Variants in TTLL2 observed in about 807,000 individuals in gnomAD.
TTLL2 encodes the protein tubulin tyrosine ligase like 2.
A neutral mutation model predicts 7.5 loss-of-function variants in TTLL2; 10 were observed. That is an observed-to-expected ratio of 1.33 (90% CI 0.82 to 2.25). The LOEUF (loss-of-function observed/expected upper bound fraction) is 2.25. Ranked by LOEUF, TTLL2 falls within the 30% of genes most tolerant of loss-of-function variation. The pLI is 0.00. For missense variants in TTLL2, 733 were observed against 735.7 expected (o/e 1.00, Z 0.04); for synonymous variants, 284 against 280.3 (o/e 1.01, Z -0.13).
intron 1 of TTLL2, among the ~76,000 whole-genome samples, chr6:167,326,965 C>G (rs528492165): frequency 6.6e-6 from 1 of 151,992 alleles, no homozygotes; most frequent in East Asian, 1.9e-4. Context: ...AAGGCTGTGG[C>G]TTATGCTTTT....
At chr6:167,327,942 T>C in intron 1 of TTLL2, 1 of 454,494 alleles carries the variant, frequency 2.2e-6, no homozygotes. Context: ...CAGCATCTGG[T>C]ATCAAGGTCA....
rs1318165270 is a variant in TTLL2, at chr6:167,340,808, A to G, written c.908A>G (p.Asn303Ser). 8.1e-6 allele frequency: 13 copies of G among 1,614,060 alleles called. No individual in the cohort carries two copies. Among genetic ancestry groups the G allele is most frequent in the African/African-American group, 1.3e-5 (1 of 74,890 alleles). The change falls in exon 3 of 3, where the codon AAT becomes AGT. Residue 303 changes from asparagine (N) to serine (S), a missense_variant. Physicochemically the swap from Asn to Ser is conservative, Grantham distance 46 (BLOSUM62 1). Transcript: ENST00000239587. ...GCCCATTTGACCAACAGCAGCATCAATAAATCCGGGGCCTCTTATGAGAAG... is the reference window on the plus strand; with the variant it reads ...GCCCATTTGACCAACAGCAGCATCAGTAAATCCGGGGCCTCTTATGAGAAG... ...NYAHLTNSSINKSGASYEKIK... is the reference protein window; with the variant it reads ...NYAHLTNSSISKSGASYEKIK...
At position 167,340,706 on chromosome 6, in the gene TTLL2, C is replaced by T. The variant is rs374231286; in HGVS notation, c.806C>T (p.Thr269Ile). The T allele has an allele frequency of 8.4e-5, 135 of 1,614,048 alleles. 1 individual carries two copies. In the Admixed American group the frequency reaches 2.2e-3, roughly 27 times the overall value. ...YVCVTGFKPL[T>I]IYVYQEGLVR... Reference sequence around the variant, plus strand: ...TGTGTTACTGGCTTTAAGCCTTTGACCATTTATGTTTATCAGGAAGGGTTG... The same window carrying T: ...TGTGTTACTGGCTTTAAGCCTTTGATCATTTATGTTTATCAGGAAGGGTTG... The change falls in exon 3 of 3, where the codon ACC becomes ATC. Residue 269 changes from threonine to isoleucine, a missense_variant. By Grantham distance (89) the Thr-to-Ile change is moderately conservative. Transcript: ENST00000239587.
chr6:167,340,821 C>G lies in TTLL2; in HGVS notation c.921C>G (p.Ala307=), dbSNP rs879016110. 2 of 1,614,124 alleles carry G rather than the reference C, an allele frequency of 1.2e-6. No individual in the cohort carries two copies. Among genetic ancestry groups the G allele is most frequent in the South Asian group, 2.2e-5 (2 of 91,080 alleles). ...LTNSSINKSG[A]SYEKIKEVIG... is the part of the protein sequence containing the mutation. The stretch of plus-strand genomic sequence containing the variant: ...ACAGCAGCATCAATAAATCCGGGGC[C>G]TCTTATGAGAAGATCAAAGAAGTGA... The change falls in exon 3 of 3, where the codon GCC becomes GCG. Residue 307 remains alanine (A), a synonymous_variant. Coordinates refer to ENST00000239587, the MANE Select transcript of TTLL2 (RefSeq NM_031949.5).
chr6:167,335,659 A>C (rs1258752058), intron 1 of TTLL2, among the ~76,000 whole-genome samples: 2 of 151,814 alleles, frequency 1.3e-5, no homozygotes, highest in Non-Finnish European at 2.9e-5. Flanking sequence ...TGATGAGTTC[A>C]TGTCCTTTGT....
chr6:167,340,744 A>C lies in TTLL2; in HGVS notation c.844A>C (p.Thr282Pro). ...VYQEGLVRFA[T>P]EKFDLSNLQN... ...TCAGGAAGGGTTGGTTCGGTTTGCC[A>C]CGGAAAAGTTTGACCTCAGTAATTT... is the stretch of plus-strand genomic sequence containing the variant. Residue 282 changes from threonine to proline, a missense_variant, in exon 3 of 3, where the codon ACG becomes CCG. Coordinates refer to ENST00000239587, the MANE Select transcript of TTLL2 (RefSeq NM_031949.5). 1 of 1,614,196 alleles carries C rather than the reference A, an allele frequency of 6.2e-7. No individual in the cohort carries two copies. The highest frequency in any genetic ancestry group is 8.5e-7 in the Non-Finnish European group (1 of 1,180,040).
At chr6:167,336,162 C>CAGTGTGGG (rs1216417967) in intron 1 of TTLL2, among the ~76,000 whole-genome samples, 4 of 151,786 alleles carry the variant, frequency 2.6e-5, no homozygotes, top group African/African-American at 9.7e-5. Context: ...TACAGATGTC[C>CAGTGTGGG]AGTGTGGGGG....
intron 1 of TTLL2, among the ~76,000 whole-genome samples, chr6:167,327,521 T>C (rs1436731675): frequency 6.6e-6 from 1 of 152,226 alleles, no homozygotes; most frequent in East Asian, 1.9e-4. Context: ...TGAGATTTAT[T>C]TTCCTTTTAC....
chr6:167,327,876 C>T, intron 1 of TTLL2: 2 of 396,712 alleles, frequency 5.0e-6, no homozygotes, highest in South Asian at 3.8e-5. Flanking sequence ...AGCAGCATTG[C>T]CTATTCATTG....
chr6:167,341,372 A>G lies in TTLL2; in HGVS notation c.1472A>G (p.Glu491Gly), dbSNP rs1353822957. Residue 491 changes from glutamate (E) to glycine (G), a missense_variant, in exon 3 of 3, where the codon GAG (glutamate) becomes GGG (glycine). By Grantham distance (98) the Glu-to-Gly change is moderately conservative (BLOSUM62 -2). Transcript: ENST00000239587. ...EAAPASQLEGEMSGQDFHLST... is the reference protein window; with the variant it reads ...EAAPASQLEGGMSGQDFHLST... ...GCACCTGCCTCCCAGCTGGAAGGAG[A>G]GATGAGTGGGCAGGATTTTCATCTG... is the stretch of plus-strand genomic sequence containing the variant. 4 of 1,613,182 alleles carry G rather than the reference A, an allele frequency of 2.5e-6. No homozygotes were observed. Among genetic ancestry groups the G allele is most frequent in the Admixed American group, 1.7e-5 (1 of 59,884 alleles).
At chr6:167,332,407 A>G (rs1431275173) in intron 1 of TTLL2, among the ~76,000 whole-genome samples, 1 of 152,164 alleles carries the variant, frequency 6.6e-6, no homozygotes, top group African/African-American at 2.4e-5. Context: ...GACCCAACTT[A>G]TAAGGAGGCA....
Position 167,341,271 on chromosome 6 carries a change from T to A in TTLL2, c.1371T>A (p.Ser457=). The A allele has an allele frequency of 6.2e-7, 1 of 1,613,594 alleles. No homozygotes were observed. Among genetic ancestry groups the A allele is most frequent in the South Asian group, 1.1e-5 (1 of 91,040 alleles). Residue 457 remains serine, a synonymous_variant, in exon 3 of 3, where the codon TCT becomes TCA. Coordinates refer to ENST00000239587, the MANE Select transcript of TTLL2 (RefSeq NM_031949.5). ...LDAPDCLPYD[S]LSFTSRMYNE... is the part of the protein sequence containing the mutation. ...CTCCTGACTGTCTTCCTTATGATTC[T>A]CTTTCGTTCACAAGCAGAATGTACA...
rs376267523 is a variant in TTLL2, at chr6:167,330,944, G to A, written c.47+5724G>A. On this transcript the variant is annotated intron_variant, in intron 1 of 2. Coordinates refer to ENST00000239587, the MANE Select transcript of TTLL2 (RefSeq NM_031949.5). Reference sequence around the variant, plus strand: ...CATGAGCTCGATAGCGCCTGACTGGGCAAGCCTGCAGCTCAGCTCCTTGTC... The same window carrying A: ...CATGAGCTCGATAGCGCCTGACTGGACAAGCCTGCAGCTCAGCTCCTTGTC... 2.6e-5 allele frequency among the ~76,000 whole-genome samples: 4 copies of A among 152,282 alleles called. No individual in the cohort carries two copies. The East Asian group carries it at 7.7e-4, about 29-fold the overall frequency.
intron 1 of TTLL2, among the ~76,000 whole-genome samples, chr6:167,336,532 C>T (rs537345308): frequency 6.6e-6 from 1 of 152,002 alleles, no homozygotes. Flanking sequence ...CATTGCTCAT[C>T]CCCATCCTCC....
chr6:167,330,394 C>T (rs549146368), intron 1 of TTLL2, among the ~76,000 whole-genome samples: 1 of 152,184 alleles, frequency 6.6e-6, no homozygotes, highest in Admixed American at 6.5e-5. Flanking sequence ...CCCGTCTCTA[C>T]TAAAAATACA....
chr6:167,326,872 C>A (rs1463985869), intron 1 of TTLL2, among the ~76,000 whole-genome samples: 2 of 152,118 alleles, frequency 1.3e-5, no homozygotes, highest in Non-Finnish European at 2.9e-5. Flanking sequence ...AAGAAAATGA[C>A]CACCGCAAGT....
chr6:167,339,937 C>A (rs912693472), intron 2 of TTLL2, among the ~76,000 whole-genome samples, 168 bp from the exon 3 acceptor site: 12 of 152,058 alleles, frequency 7.9e-5, no homozygotes, highest in Non-Finnish European at 1.5e-4. Context: ...ATAAAGGGAG[C>A]AGAGATGGGT....
In TTLL2 at chr6:167,341,312, T is replaced by C. The variant is rs781345148; in HGVS notation, c.1412T>C (p.Val471Ala). ...TSRMYNEDDS[V>A]VEKAVSVRPE... ...AGAATGTACAACGAGGATGACTCTG[T>C]GGTGGAGAAAGCTGTGAGTGTGCGT... Residue 471 changes from valine to alanine, a missense_variant, in exon 3 of 3, where the codon GTG becomes GCG. Coordinates refer to ENST00000239587, the MANE Select transcript of TTLL2 (RefSeq NM_031949.5). 6.2e-7 allele frequency: 1 copy of C among 1,613,544 alleles called. No individual in the cohort carries two copies. The highest frequency in any genetic ancestry group is 1.3e-5 in the African/African-American group (1 of 74,792).
chr6:167,340,089 A>T lies in TTLL2; in HGVS notation c.205-16A>T. ...CTTGACCACTCTCCTAACCTTTCTC[A>T]ATGATCCATTTTTAGAAAAAACCTC... is the stretch of plus-strand genomic sequence containing the variant. On this transcript the variant is annotated splice_polypyrimidine_tract_variant and intron_variant, in intron 2 of 2. Transcript: ENST00000239587. 1 of 1,556,470 alleles carries T rather than the reference A, an allele frequency of 6.4e-7. No homozygotes were observed.
Sources: allele counts gnomAD v4.1 joint callset (sites outside exome capture counted in the v4.1 genomes callset), GRCh38; gene constraint gnomAD v4.1.1; transcripts MANE v1.5; gene names NCBI Gene and HGNC (gene_info 2026-07-23, HGNC 2026-07-21).